NKAIN3: variants seen among roughly 807,000 people sequenced by gnomAD.
The protein encoded by NKAIN3 is sodium/potassium-transporting ATPase subunit beta-1-interacting protein 3.
In NKAIN3, 25 loss-of-function variants were observed where a neutral mutation model predicts 30.2. The ratio of observed to expected loss-of-function variants is 0.83; its 90% CI spans 0.60 to 1.16. The LOEUF is 1.16. NKAIN3 is among the 50% of genes most tolerant of loss of function. NKAIN3 has a pLI of 0.00. For synonymous variants in NKAIN3, 91 were observed against 89.6 expected, an observed-to-expected ratio of 1.02 and a Z score of -0.09; for missense variants, 225 against 254.1, an observed-to-expected ratio of 0.89 and a Z score of 0.78.
chr8:62,996,631 T>C (rs1804120316), intron 5 of NKAIN3, among the ~76,000 whole-genome samples: 1 of 152,188 alleles, frequency 6.6e-6, no homozygotes. Flanking sequence ...CCTATGAGCC[T>C]GTAAAATCAG....
chr8:62,977,888 G>A lies in NKAIN3; in HGVS notation c.*12481G>A, dbSNP rs984456683. 1.3e-5 allele frequency: 2 copies of A among 152,174 alleles called. No homozygotes were observed. The highest frequency in any genetic ancestry group is 4.8e-5 in the African/African-American group (2 of 41,432). 9.4% of individuals were successfully genotyped at this position (152,174 alleles called of 1,614,324 possible). ...TCTTTGGCATTGGTGACCTTTGGAA[G>A]GAGTGTTTACATGGTCATGCTCTTT... On this transcript the variant is annotated 3_prime_UTR_variant, in exon 7 of 7. Coordinates refer to ENST00000623646, the MANE Select transcript of NKAIN3 (RefSeq NM_001304533.3).
intron 3 of NKAIN3, among the ~76,000 whole-genome samples, chr8:62,681,137 C>A (rs1813632139): frequency 6.6e-6 from 1 of 152,220 alleles, no homozygotes; most frequent in African/African-American, 2.4e-5. Context: ...TCAAGATACT[C>A]AGTGCCAATC....
At chr8:62,803,830 T>G (rs1035681350) in intron 4 of NKAIN3, among the ~76,000 whole-genome samples, 1 of 152,076 alleles carries the variant, frequency 6.6e-6, no homozygotes, top group African/African-American at 2.4e-5. Context: ...CAGGAGCTGG[T>G]TTTTTGAAAG....
intron 3 of NKAIN3, among the ~76,000 whole-genome samples, chr8:62,677,052 C>T (rs1813500140): frequency 6.6e-6 from 1 of 152,068 alleles, no homozygotes; most frequent in South Asian, 2.1e-4. Context: ...TGCATAAGTG[C>T]TGGGGTCTTG....
intron 3 of NKAIN3, among the ~76,000 whole-genome samples, chr8:62,628,445 G>A (rs1811854659): frequency 6.6e-6 from 1 of 152,090 alleles, no homozygotes; most frequent in Non-Finnish European, 1.5e-5. Flanking sequence ...GATGTTTCTT[G>A]ACGAATGATC....
chr8:62,319,882 A>G (rs1394666818), intron 1 of NKAIN3, among the ~76,000 whole-genome samples: 1 of 151,988 alleles, frequency 6.6e-6, no homozygotes, highest in Non-Finnish European at 1.5e-5. Flanking sequence ...ATTCCTGGAT[A>G]TCCTTGTTAA....
intron 4 of NKAIN3, among the ~76,000 whole-genome samples, chr8:62,906,913 C>A (rs914186141): frequency 3.3e-5 from 5 of 152,066 alleles, no homozygotes; most frequent in African/African-American, 1.2e-4. Flanking sequence ...TAAAGATACC[C>A]AAAGATGTAT....
chr8:62,373,140 A>G (rs759114980), intron 1 of NKAIN3, among the ~76,000 whole-genome samples: 2 of 152,260 alleles, frequency 1.3e-5, no homozygotes, highest in East Asian at 3.9e-4. Context: ...AAGTGCCAGG[A>G]TCTGTGTGAA....
chr8:62,641,371 T>A (rs967779792), intron 3 of NKAIN3, among the ~76,000 whole-genome samples: 4 of 152,158 alleles, frequency 2.6e-5, no homozygotes, highest in Admixed American at 2.0e-4. Flanking sequence ...GATTTTTTGA[T>A]AGCTGTCAGG....
chr8:62,494,707 G>A (rs1056949554), intron 1 of NKAIN3, among the ~76,000 whole-genome samples: 1 of 151,898 alleles, frequency 6.6e-6, no homozygotes, highest in Non-Finnish European at 1.5e-5. Flanking sequence ...CTTGGTTCAG[G>A]GAATCAATTT....
chr8:62,488,971 A>G (rs1806986004), intron 1 of NKAIN3, among the ~76,000 whole-genome samples: 1 of 152,162 alleles, frequency 6.6e-6, no homozygotes, highest in Admixed American at 6.5e-5. Flanking sequence ...CAGGCGTGCT[A>G]AGTGTTCAAT....
chr8:62,338,673 T>TCCCACAA (rs1815643905), intron 1 of NKAIN3, among the ~76,000 whole-genome samples: 2 of 151,892 alleles, frequency 1.3e-5, no homozygotes, highest in African/African-American at 2.4e-5. Context: ...ATCTGCAAGC[T>TCCCACAA]GAGGAGCAAA....
intron 1 of NKAIN3, among the ~76,000 whole-genome samples, chr8:62,261,977 C>G (rs184907428): frequency 2.0e-5 from 3 of 152,012 alleles, no homozygotes; most frequent in Non-Finnish European, 4.4e-5. Flanking sequence ...ATGCAGATAA[C>G]AAAACTGTGT....
chr8:62,776,703 C>A (rs1817202450), intron 4 of NKAIN3, among the ~76,000 whole-genome samples: 1 of 152,074 alleles, frequency 6.6e-6, no homozygotes. Context: ...ATCAGTTCAT[C>A]TTTTAATCTT....
intron 3 of NKAIN3, among the ~76,000 whole-genome samples, chr8:62,592,622 G>A (rs1810688657): frequency 6.6e-6 from 1 of 151,926 alleles, no homozygotes; most frequent in Non-Finnish European, 1.5e-5. Flanking sequence ...TATATGAAAT[G>A]TAAATAGACC....
intron 4 of NKAIN3, among the ~76,000 whole-genome samples, chr8:62,812,613 T>A (rs865806746): frequency 2.0e-5 from 3 of 151,872 alleles, no homozygotes; most frequent in African/African-American, 7.2e-5. Flanking sequence ...AGAGTTTTTT[T>A]TTAATTCTTA....
In NKAIN3 at chr8:62,321,135, G is replaced by A. The variant is rs180889623; in HGVS notation, c.54+72008G>A. Among the ~76,000 whole-genome samples the A allele has an allele frequency of 4.9e-3, 743 of 152,158 alleles. 8 individuals carry two copies. Among genetic ancestry groups the A allele is most frequent in the African/African-American group, 0.017 (707 of 41,506 alleles). On this transcript the variant is annotated intron_variant, in intron 1 of 6. Coordinates refer to ENST00000623646, the MANE Select transcript of NKAIN3 (RefSeq NM_001304533.3). Reference sequence around the variant, plus strand: ...TCCAGTTGATCAAATCAGCTACTGAGGCTTGTGCATTTGTCACGTACTTCT... The same window carrying A: ...TCCAGTTGATCAAATCAGCTACTGAAGCTTGTGCATTTGTCACGTACTTCT...
At chr8:62,381,482 G>A (rs925730283) in intron 1 of NKAIN3, among the ~76,000 whole-genome samples, 2 of 151,876 alleles carry the variant, frequency 1.3e-5, no homozygotes, top group Non-Finnish European at 2.9e-5. Context: ...TTGACTAGAT[G>A]GTACTTCTGA....
intron 1 of NKAIN3, among the ~76,000 whole-genome samples, chr8:62,573,390 G>T (rs901211091): frequency 5.3e-5 from 8 of 152,078 alleles, no homozygotes; most frequent in Non-Finnish European, 8.8e-5. Flanking sequence ...ACTCAGCAAG[G>T]CTATTTCAAT....
Sources: allele counts gnomAD v4.1 joint callset (sites outside exome capture counted in the v4.1 genomes callset), GRCh38; gene constraint gnomAD v4.1.1; transcripts MANE v1.5; gene names NCBI Gene and HGNC (gene_info 2026-07-23, HGNC 2026-07-21).